The following LURAP1L variants were observed in gnomAD, a reference collection of about 807,000 sequenced individuals.
LURAP1L encodes leucine rich adaptor protein 1-like.
LURAP1L carries 12 observed loss-of-function variants against 13.8 expected under a neutral mutation model. The observed-to-expected ratio is 0.87, with a 90% CI of 0.56 to 1.41. The LOEUF (loss-of-function observed/expected upper bound fraction) is 1.41, where lower values mean the gene tolerates loss of function less well. Ranked by LOEUF, LURAP1L falls within the 40% of genes most tolerant of loss-of-function variation. The pLI, the probability that LURAP1L is intolerant of heterozygous loss-of-function variation, is 0.00. For missense variants in LURAP1L, 375 were observed against 292.9 expected, an observed-to-expected ratio of 1.28 and a Z score of -2.04; for synonymous variants, 139 against 119.2, an observed-to-expected ratio of 1.17 and a Z score of -1.08.
At chr9:12,794,830 A>G (rs1207030628) in intron 1 of LURAP1L, among the ~76,000 whole-genome samples, 1 of 151,728 alleles carries the variant, frequency 6.6e-6, no homozygotes, top group Admixed American at 6.6e-5. Context: ...GTGACTAAAG[A>G]TATGTTTTTA....
At chr9:12,791,001 G>C (rs1309907593) in intron 1 of LURAP1L, among the ~76,000 whole-genome samples, 1 of 152,064 alleles carries the variant, frequency 6.6e-6, no homozygotes, top group African/African-American at 2.4e-5. Flanking sequence ...AATCACTAGG[G>C]CATTAATTCC....
At position 12,821,512 on chromosome 9, in the gene LURAP1L, G is replaced by A. The variant is rs138837043; in HGVS notation, c.439G>A (p.Gly147Ser). The A allele has an allele frequency of 8.8e-4, 1,421 of 1,614,164 alleles. 5 individuals carry two copies. Among genetic ancestry groups the A allele is most frequent in the South Asian group, 2.2e-3 (203 of 91,082 alleles). ...TACCAGCAGAGGCAGCAGCCTCAGT[G>A]GCAGCCTGTGCAGTTTGTTGGAGAG... Reference protein sequence around the residue: ...TITSRGSSLSGSLCSLLESQS... With the variant: ...TITSRGSSLSSSLCSLLESQS... Residue 147 changes from glycine to serine, a missense_variant, in exon 2 of 2, where the codon GGC becomes AGC. By Grantham distance (56) the Gly-to-Ser change is moderately conservative (BLOSUM62 0). Transcript: ENST00000319264.
intron 1 of LURAP1L, among the ~76,000 whole-genome samples, chr9:12,804,658 C>T (rs866946239): frequency 6.6e-6 from 1 of 151,696 alleles, no homozygotes; most frequent in African/African-American, 2.4e-5. Flanking sequence ...TTATTTGATT[C>T]TATCAAAAAA....
At chr9:12,805,617 C>T (rs935590998) in intron 1 of LURAP1L, among the ~76,000 whole-genome samples, 2 of 152,146 alleles carry the variant, frequency 1.3e-5, no homozygotes, top group African/African-American at 2.4e-5. Context: ...TATTCTCTGT[C>T]TTCTACCACT....
chr9:12,815,521 G>A (rs1468584244), intron 1 of LURAP1L, among the ~76,000 whole-genome samples: 2 of 152,106 alleles, frequency 1.3e-5, no homozygotes, highest in Non-Finnish European at 2.9e-5. Context: ...CAATGTATGT[G>A]ACTATGGACT....
intron 1 of LURAP1L, among the ~76,000 whole-genome samples, chr9:12,805,323 T>C (rs552286069): frequency 6.6e-6 from 1 of 152,286 alleles, no homozygotes; most frequent in East Asian, 1.9e-4. Context: ...TGAAGACACA[T>C]TGTAATTTAA....
chr9:12,788,183 G>GAAAGA (rs1295831507), intron 1 of LURAP1L, among the ~76,000 whole-genome samples: 1 of 146,946 alleles, frequency 6.8e-6, no homozygotes, highest in Non-Finnish European at 1.5e-5. Flanking sequence ...AAGAAAGAAA[G>GAAAGA]AAAGAAAGAA....
intron 1 of LURAP1L, among the ~76,000 whole-genome samples, chr9:12,794,949 G>A (rs1033214330): frequency 1.3e-5 from 2 of 151,848 alleles, no homozygotes; most frequent in Non-Finnish European, 2.9e-5. Flanking sequence ...AAAGTATGAG[G>A]TTGCTACTAA....
At position 12,791,177 on chromosome 9, in the gene LURAP1L, G is replaced by A. The variant is rs1005235885; in HGVS notation, c.312+15150G>A. On this transcript the variant is annotated intron_variant, in intron 1 of 1. Transcript: ENST00000319264. ...TAAGATGGATGAATGGAATGAGGAA[G>A]AGTAGGTTTCTTGAGTGTTCATTAT... is the stretch of plus-strand genomic sequence containing the variant. 5.9e-5 allele frequency among the ~76,000 whole-genome samples: 9 copies of A among 152,204 alleles called. 1 individual carries two copies. The South Asian group carries it at 1.7e-3, about 28-fold the overall frequency.
At chr9:12,785,573 C>T (rs942400458) in intron 1 of LURAP1L, among the ~76,000 whole-genome samples, 1 of 152,176 alleles carries the variant, frequency 6.6e-6, no homozygotes, top group African/African-American at 2.4e-5. Flanking sequence ...CTAGCTAGGT[C>T]CAATCTGAAT....
At chr9:12,782,347 A>G (rs1278317732) in intron 1 of LURAP1L, among the ~76,000 whole-genome samples, 1 of 152,160 alleles carries the variant, frequency 6.6e-6, no homozygotes, top group Non-Finnish European at 1.5e-5. Flanking sequence ...AATGTTATAG[A>G]GAGTTTCCCC....
intron 1 of LURAP1L, among the ~76,000 whole-genome samples, chr9:12,809,970 GGAA>G (rs1819714359): frequency 6.6e-6 from 1 of 152,160 alleles, no homozygotes; most frequent in Non-Finnish European, 1.5e-5. Context: ...TGGGAGAAGA[GGAA>G]GTGTTCTCCT....
At chr9:12,789,861 A>G (rs1819415589) in intron 1 of LURAP1L, among the ~76,000 whole-genome samples, 1 of 152,178 alleles carries the variant, frequency 6.6e-6, no homozygotes, top group Admixed American at 6.6e-5. Context: ...GACTACAGAT[A>G]AAGCCCTTTT....
chr9:12,803,195 A>T (rs1819610491), intron 1 of LURAP1L, among the ~76,000 whole-genome samples: 1 of 152,168 alleles, frequency 6.6e-6, no homozygotes, highest in Non-Finnish European at 1.5e-5. Flanking sequence ...ACTTGTCTTT[A>T]TATTTCATTG....
chr9:12,810,007 T>C (rs768525560), intron 1 of LURAP1L, among the ~76,000 whole-genome samples: 10 of 152,158 alleles, frequency 6.6e-5, no homozygotes, highest in Non-Finnish European at 1.3e-4. Flanking sequence ...TCTCAGTCTT[T>C]TAGCGAGCCT....
chr9:12,787,241 C>A (rs1161223705), intron 1 of LURAP1L, among the ~76,000 whole-genome samples: 2 of 151,974 alleles, frequency 1.3e-5, no homozygotes, highest in Admixed American at 1.3e-4. Flanking sequence ...TTTATCTATA[C>A]CTTAGCTGTA....
At chr9:12,803,181 T>C (rs1018101222) in intron 1 of LURAP1L, among the ~76,000 whole-genome samples, 4 of 152,226 alleles carry the variant, frequency 2.6e-5, no homozygotes, top group East Asian at 1.9e-4. Context: ...ACCACCTCTT[T>C]GTCACTTGTC....
In LURAP1L at chr9:12,799,707, C is replaced by T. The variant is rs1391942292; in HGVS notation, c.313-21679C>T. On this transcript the variant is annotated intron_variant, in intron 1 of 1. Coordinates refer to ENST00000319264, the MANE Select transcript of LURAP1L (RefSeq NM_203403.2). ...CACTGTGGCTAACATGGTGAAACCT[C>T]ATCTCTACTAAAAATACAAAAATTA... is the stretch of plus-strand genomic sequence containing the variant. Among the ~76,000 whole-genome samples the T allele has an allele frequency of 3.9e-5, 6 of 151,968 alleles. No individual in the cohort carries two copies. The East Asian group carries it at 9.7e-4, about 25-fold the overall frequency.
intron 1 of LURAP1L, among the ~76,000 whole-genome samples, chr9:12,802,390 G>A (rs1157026701): frequency 6.6e-6 from 1 of 152,104 alleles, no homozygotes; most frequent in Non-Finnish European, 1.5e-5. Flanking sequence ...GCTGTCATTG[G>A]ATTAGTGAGT....
Sources: allele counts gnomAD v4.1 joint callset (sites outside exome capture counted in the v4.1 genomes callset), GRCh38; gene constraint gnomAD v4.1.1; transcripts MANE v1.5; gene names NCBI Gene and HGNC (gene_info 2026-07-23, HGNC 2026-07-21).